The following PABPC4L variants were observed in gnomAD, a reference collection of about 807,000 sequenced individuals.
PABPC4L encodes polyadenylate-binding protein 4-like.
For missense variants in PABPC4L, 452 were observed against 451.4 expected, an observed-to-expected ratio of 1.00 and a Z score of -0.01; for synonymous variants, 169 against 164.1, an observed-to-expected ratio of 1.03 and a Z score of -0.23.
At chr4:134,082,161 T>C in the PABPC4L span, among the ~76,000 whole-genome samples, 1 of 152,208 alleles carries the variant, frequency 6.6e-6, no homozygotes, top group Non-Finnish European at 1.5e-5. Context: ...GATGTCTTAT[T>C]ACATTATTTT....
At chr4:134,052,902 G>T in the PABPC4L span, among the ~76,000 whole-genome samples, 1 of 151,768 alleles carries the variant, frequency 6.6e-6, no homozygotes, top group Non-Finnish European at 1.5e-5. Flanking sequence ...AATTATTTTT[G>T]GTGTTACATA....
chr4:134,010,946 T>C, the PABPC4L span, among the ~76,000 whole-genome samples: 1 of 152,146 alleles, frequency 6.6e-6, no homozygotes, highest in Non-Finnish European at 1.5e-5. Flanking sequence ...TATAGCAAGT[T>C]TGAAGAATAG....
At chr4:134,018,124 A>G in the PABPC4L span, among the ~76,000 whole-genome samples, 37 of 152,080 alleles carry the variant, frequency 2.4e-4, 1 homozygote, top group African/African-American at 6.7e-4. Context: ...ACATTGTCTC[A>G]TGAAATTCCT....
At chr4:134,130,564 A>T in the PABPC4L span, among the ~76,000 whole-genome samples, 2 of 152,104 alleles carry the variant, frequency 1.3e-5, no homozygotes, top group Admixed American at 1.3e-4. Context: ...AAAAAAGGCC[A>T]GGCCCAGAGA....
the PABPC4L span, among the ~76,000 whole-genome samples, chr4:134,095,169 T>C: frequency 6.6e-6 from 1 of 151,866 alleles, no homozygotes; most frequent in East Asian, 1.9e-4. Context: ...CTAATTACTT[T>C]CTGATTTTTA....
At chr4:134,063,333 C>T in the PABPC4L span, among the ~76,000 whole-genome samples, 1 of 151,966 alleles carries the variant, frequency 6.6e-6, no homozygotes, top group Non-Finnish European at 1.5e-5. Context: ...TAATAGCTTT[C>T]TCTTGAATCT....
At chr4:134,183,566 A>G in the PABPC4L span, among the ~76,000 whole-genome samples, 4 of 151,810 alleles carry the variant, frequency 2.6e-5, no homozygotes, top group Non-Finnish European at 5.9e-5. Context: ...CTGAGACACA[A>G]AATTTACCTA....
the PABPC4L span, among the ~76,000 whole-genome samples, chr4:133,995,044 G>A: frequency 6.6e-6 from 1 of 152,138 alleles, no homozygotes; most frequent in Non-Finnish European, 1.5e-5. Context: ...AGAGAGGACT[G>A]TGAACTTTCC....
the PABPC4L span, among the ~76,000 whole-genome samples, chr4:134,116,463 C>T: frequency 2.6e-5 from 4 of 151,628 alleles, no homozygotes; most frequent in Non-Finnish European, 4.4e-5. Flanking sequence ...ATCCACAAAC[C>T]CCTTTGTTCA....
chr4:134,172,732 A>G, the PABPC4L span, among the ~76,000 whole-genome samples: 2 of 152,080 alleles, frequency 1.3e-5, no homozygotes, highest in African/African-American at 4.8e-5. Flanking sequence ...AGTCAGTACT[A>G]TTCAATGAAA....
chr4:134,067,478 A>C, the PABPC4L span, among the ~76,000 whole-genome samples: 1 of 150,982 alleles, frequency 6.6e-6, no homozygotes, highest in Non-Finnish European at 1.5e-5. Flanking sequence ...CAATAAACCA[A>C]CTCCTGGACT....
the PABPC4L span, among the ~76,000 whole-genome samples, chr4:134,059,413 G>A: frequency 2.5e-3 from 371 of 147,980 alleles, 2 homozygotes; most frequent in African/African-American, 8.3e-3. Context: ...TATAGTGTGC[G>A]TGTATATATA....
At chr4:133,989,680 C>G in the PABPC4L span, among the ~76,000 whole-genome samples, 3 of 152,124 alleles carry the variant, frequency 2.0e-5, no homozygotes, top group Non-Finnish European at 4.4e-5. Flanking sequence ...CTGTTCCAAC[C>G]TCTGCTTGTT....
At chr4:134,123,896 A>C in the PABPC4L span, among the ~76,000 whole-genome samples, 1 of 152,026 alleles carries the variant, frequency 6.6e-6, no homozygotes, top group African/African-American at 2.4e-5. Flanking sequence ...CAATTGAAAA[A>C]AAAGTTGGGT....
the PABPC4L span, among the ~76,000 whole-genome samples, chr4:134,031,297 T>A: frequency 6.6e-6 from 1 of 152,038 alleles, no homozygotes; most frequent in East Asian, 1.9e-4. Flanking sequence ...TATTTGTTTT[T>A]GTTTTTTTAG....
At chr4:134,126,940 G>A in the PABPC4L span, among the ~76,000 whole-genome samples, 1 of 152,128 alleles carries the variant, frequency 6.6e-6, no homozygotes, top group African/African-American at 2.4e-5. Flanking sequence ...TTGGGGGCAT[G>A]GTGGGTGTGA....
the PABPC4L span, among the ~76,000 whole-genome samples, chr4:133,999,462 T>C: frequency 6.6e-6 from 1 of 152,124 alleles, no homozygotes; most frequent in Non-Finnish European, 1.5e-5. Context: ...TTGTTGGTTT[T>C]ATAATTTTTG....
chr4:134,152,707 T>G, the PABPC4L span, among the ~76,000 whole-genome samples: 1 of 152,198 alleles, frequency 6.6e-6, no homozygotes, highest in Non-Finnish European at 1.5e-5. Flanking sequence ...ATCCCTCCTT[T>G]GGTACAGATT....
At chr4:133,994,107 C>T in the PABPC4L span, among the ~76,000 whole-genome samples, 1 of 151,978 alleles carries the variant, frequency 6.6e-6, no homozygotes, top group African/African-American at 2.4e-5. Flanking sequence ...TTGAAGGGGC[C>T]CCATAGGTTG....
Sources: allele counts gnomAD v4.1 joint callset (sites outside exome capture counted in the v4.1 genomes callset), GRCh38; gene constraint gnomAD v4.1.1; transcripts MANE v1.5; gene names NCBI Gene and HGNC (gene_info 2026-07-23, HGNC 2026-07-21).